LCOR: variants seen among roughly 807,000 people sequenced by gnomAD.
LCOR encodes ligand dependent nuclear receptor corepressor.
LCOR carries 14 observed loss-of-function variants against 64.4 expected under a neutral mutation model. That is an observed-to-expected ratio of 0.22 (90% CI 0.14 to 0.34). The LOEUF is 0.34. Ranked by LOEUF, LCOR falls within the 10% of genes least tolerant of loss-of-function variation. The pLI is 1.00. For synonymous variants in LCOR, 643 were observed against 642.5 expected (o/e 1.00, Z -0.01); for missense variants, 1,686 against 1,765.3 (o/e 0.96, Z 0.80).
chr10:96,875,752 C>T (rs570033949), intron 2 of LCOR, among the ~76,000 whole-genome samples: 1 of 151,864 alleles, frequency 6.6e-6, no homozygotes, highest in Non-Finnish European at 1.5e-5. Context: ...GTCCCAGCTA[C>T]TTGGGAGGCT....
At chr10:96,901,843 C>T (rs1846643690) in intron 2 of LCOR, among the ~76,000 whole-genome samples, 1 of 152,110 alleles carries the variant, frequency 6.6e-6, no homozygotes, top group Non-Finnish European at 1.5e-5. Flanking sequence ...AATCTCGGCT[C>T]ACTGCACCTT....
rs769810945 is a variant in LCOR at position 96,991,022 on chromosome 10, TAAAAAAAA to T, written c.*5904_*5911del. Reference sequence around the variant, plus strand: ...TTTTACCCTTTTTTAAAGGGTTATGTAAAAAAAAAAAAAAAAAAAAAAAGCAACTATAT... The same window carrying T: ...TTTTACCCTTTTTTAAAGGGTTATGTAAAAAAAAAAAAAAAGCAACTATAT... On this transcript the variant is annotated 3_prime_UTR_variant, in exon 8 of 8. Coordinates refer to ENST00000421806, the MANE Select transcript of LCOR (RefSeq NM_001346516.2). 7 of 77,258 alleles carry T rather than the reference TAAAAAAAA, an allele frequency of 9.1e-5. No individual in the cohort carries two copies. The highest frequency in any genetic ancestry group is 1.3e-4 in the Non-Finnish European group (5 of 37,118). The allele number at this position is 77,258 out of a possible 1,614,324, so 4.8% of individuals were successfully genotyped here. A position where few individuals can be genotyped will look rare whatever the true frequency, so the allele number is the denominator to read the frequency against.
chr10:96,875,649 C>G (rs898647109), intron 2 of LCOR, among the ~76,000 whole-genome samples: 13 of 152,148 alleles, frequency 8.5e-5, no homozygotes, highest in African/African-American at 2.9e-4. Context: ...GTCGTTTGAG[C>G]TCAGGAGTTA....
intron 2 of LCOR, among the ~76,000 whole-genome samples, chr10:96,841,561 A>T (rs958187977): frequency 1.3e-5 from 2 of 151,938 alleles, no homozygotes; most frequent in African/African-American, 4.8e-5. Flanking sequence ...GGGTTTCACC[A>T]TGTTGGCCAG....
At chr10:96,955,172 A>G in intron 7 of LCOR, 1 of 1,614,194 alleles carries the variant, frequency 6.2e-7, no homozygotes, top group Non-Finnish European at 8.5e-7. Context: ...AGAATCATGG[A>G]CAACACTTAA....
At chr10:96,969,773 T>TC (rs1487259408) in intron 7 of LCOR, among the ~76,000 whole-genome samples, 2 of 134,546 alleles carry the variant, frequency 1.5e-5, no homozygotes, top group Non-Finnish European at 3.1e-5. Context: ...CTTTTTTTTT[T>TC]CTTTTTTTTT....
intron 4 of LCOR, among the ~76,000 whole-genome samples, chr10:96,937,740 G>A (rs932079722): frequency 3.3e-5 from 5 of 152,104 alleles, no homozygotes; most frequent in Non-Finnish European, 5.9e-5. Flanking sequence ...GAGAGAAGAC[G>A]TCCTTATTCT....
intron 3 of LCOR, 117 bp from the exon 4 acceptor site, chr10:96,907,551 A>T: frequency 3.2e-6 from 1 of 309,292 alleles, no homozygotes. Flanking sequence ...TAAAATTTTT[A>T]AGACAAATAT....
intron 7 of LCOR, among the ~76,000 whole-genome samples, chr10:96,969,564 G>A (rs1847979228): frequency 1.3e-5 from 2 of 152,244 alleles, no homozygotes; most frequent in East Asian, 3.9e-4. Context: ...TGCATGGGTA[G>A]TAGAGTTTGA....
At chr10:96,941,383 C>T (rs1847471009) in intron 4 of LCOR, among the ~76,000 whole-genome samples, 1 of 146,594 alleles carries the variant, frequency 6.8e-6, no homozygotes, top group Non-Finnish European at 1.5e-5. Context: ...CCCCTCACCT[C>T]CCGGACTGGG....
intron 7 of LCOR, among the ~76,000 whole-genome samples, chr10:96,973,887 T>C (rs1217397722): frequency 1.3e-5 from 2 of 152,240 alleles, no homozygotes; most frequent in African/African-American, 4.8e-5. Flanking sequence ...TCCTAAATTC[T>C]AGACTCTCAG....
intron 6 of LCOR, 64 bp from the exon 7 acceptor site, chr10:96,952,039 C>T: frequency 2.6e-6 from 3 of 1,137,446 alleles, no homozygotes; most frequent in South Asian, 1.3e-5. Flanking sequence ...TCATTTTTAG[C>T]CTATTTAGTT....
At chr10:96,916,863 C>T (rs892033588) in intron 4 of LCOR, among the ~76,000 whole-genome samples, 18 of 152,114 alleles carry the variant, frequency 1.2e-4, no homozygotes, top group African/African-American at 4.1e-4. Context: ...GATCTGCCTG[C>T]CTTGGCTTCC....
chr10:96,894,651 T>A (rs1020741268), intron 2 of LCOR, among the ~76,000 whole-genome samples: 1 of 152,218 alleles, frequency 6.6e-6, no homozygotes, highest in African/African-American at 2.4e-5. Flanking sequence ...TAAAATTTTC[T>A]AATATATCCT....
At chr10:96,916,727 G>T in intron 4 of LCOR, among the ~76,000 whole-genome samples, 1 of 151,892 alleles carries the variant, frequency 6.6e-6, no homozygotes, top group East Asian at 2.0e-4. Flanking sequence ...CAATTCTCGT[G>T]CCTCAACCTC....
chr10:96,888,151 G>A (rs1382115453), intron 2 of LCOR, among the ~76,000 whole-genome samples: 1 of 151,248 alleles, frequency 6.6e-6, no homozygotes, highest in African/African-American at 2.4e-5. Flanking sequence ...CGGATCATGA[G>A]GTTAGGAGTT....
chr10:96,842,710 A>G (rs1340792020), intron 2 of LCOR, among the ~76,000 whole-genome samples: 1 of 141,038 alleles, frequency 7.1e-6, no homozygotes, highest in African/African-American at 2.7e-5. Context: ...GGCTCACTGC[A>G]TCCTTTTCCT....
intron 7 of LCOR, among the ~76,000 whole-genome samples, chr10:96,965,192 G>A (rs1345024891): frequency 6.6e-6 from 1 of 150,958 alleles, no homozygotes; most frequent in Non-Finnish European, 1.5e-5. Context: ...TGCATTTTTA[G>A]TAGAGAGGGA....
chr10:96,851,808 G>C (rs899760954), intron 2 of LCOR, among the ~76,000 whole-genome samples: 6 of 152,200 alleles, frequency 3.9e-5, no homozygotes, highest in African/African-American at 1.4e-4. Context: ...CTGAAAGCCT[G>C]ACGTTGTTGT....
Sources: allele counts gnomAD v4.1 joint callset (sites outside exome capture counted in the v4.1 genomes callset), GRCh38; gene constraint gnomAD v4.1.1; transcripts MANE v1.5; gene names NCBI Gene and HGNC (gene_info 2026-07-23, HGNC 2026-07-21).